CARD14: variants seen among roughly 807,000 people sequenced by gnomAD.
The protein encoded by CARD14 is caspase recruitment domain family member 14.
Under a neutral mutation model 111.5 loss-of-function variants are expected in CARD14, and 107 were observed. The ratio of observed to expected loss-of-function variants is 0.96; its 90% confidence interval spans 0.82 to 1.13. The LOEUF (loss-of-function observed/expected upper bound fraction) is 1.13, where lower values mean the gene tolerates loss of function less well. CARD14 is among the 50% of genes most tolerant of loss of function. CARD14 has a pLI of 0.00. For missense variants in CARD14, 1,322 were observed against 1,362.3 expected (o/e 0.97, Z 0.47); for synonymous variants, 617 against 579.6 (o/e 1.06, Z -0.93).
chr17:80,200,073 T>C (rs2040888177), intron 16 of CARD14, among the ~76,000 whole-genome samples: 2 of 151,712 alleles, frequency 1.3e-5, no homozygotes, highest in Admixed American at 1.3e-4. Flanking sequence ...TCTGAACCCC[T>C]CAGGCAGGAG....
chr17:80,171,314 T>C (rs2039900125), intron 1 of CARD14, among the ~76,000 whole-genome samples: 1 of 150,036 alleles, frequency 6.7e-6, no homozygotes. Flanking sequence ...TCTCTCTCTC[T>C]CTTTCTTTCT....
In CARD14 at chr17:80,191,317, C is replaced by T. The variant is rs1354102426; in HGVS notation, c.1090-6C>T. 6.2e-7 allele frequency: 1 copy of T among 1,606,648 alleles called. No homozygotes were observed. Among genetic ancestry groups the T allele is most frequent in the South Asian group, 1.1e-5 (1 of 90,934 alleles). ...GCGGCCTCCTTACTCCCGTCGTGGC[C>T]CACAGGCGTACTCCGCGAGGGACAG... On this transcript the variant is annotated splice_polypyrimidine_tract_variant and splice_region_variant and intron_variant, in intron 10 of 23. Transcript: ENST00000648509.
At chr17:80,190,356 T>C (rs990081006) in intron 9 of CARD14, among the ~76,000 whole-genome samples, 2 of 152,054 alleles carry the variant, frequency 1.3e-5, no homozygotes, top group Admixed American at 6.5e-5. Context: ...GGCCCACGCA[T>C]GTAGTCAGCA....
chr17:80,191,679 C>G (rs528883443), intron 11 of CARD14, among the ~76,000 whole-genome samples: 2 of 152,344 alleles, frequency 1.3e-5, no homozygotes, highest in East Asian at 3.9e-4. Context: ...GCCGTGAAAC[C>G]TCGAAGGTGC....
In CARD14 at chr17:80,201,440, CTTTCT is replaced by C. The variant is rs3217504; in HGVS notation, c.1852-285_1852-281del. On this transcript the variant is annotated intron_variant, in intron 16 of 23. Coordinates refer to ENST00000648509, the MANE Select transcript of CARD14 (RefSeq NM_001366385.1). The surrounding 1 kb of genome is among the most constrained non-coding windows in gnomAD (Gnocchi z 5.0). ...TCTTGAATGTTCTAGAACCGAGGTT[CTTTCT>C]TTTCTTTTCTTTTCTTTTTCAAGAC... 1.1e-3 allele frequency: 413 copies of C among 368,270 alleles called. 2 individuals are homozygous for C. Among genetic ancestry groups the C allele is most frequent in the Middle Eastern group, 3.4e-3 (4 of 1,168 alleles). 22.8% of individuals were successfully genotyped at this position (368,270 alleles called of 1,614,324 possible). A position where few individuals can be genotyped will look rare whatever the true frequency, so the allele number is the denominator to read the frequency against.
intron 7 of CARD14, among the ~76,000 whole-genome samples, chr17:80,184,494 T>C (rs928096111): frequency 1.3e-5 from 2 of 152,216 alleles, no homozygotes; most frequent in Non-Finnish European, 2.9e-5. Flanking sequence ...GGCTGGCTTG[T>C]CTGTGAACTG....
chr17:80,189,700 A>T lies in CARD14; in HGVS notation c.844-53A>T, dbSNP rs1438483379. 2.7e-6 allele frequency: 4 copies of T among 1,475,842 alleles called. No individual in the cohort carries two copies. Among genetic ancestry groups the T allele is most frequent in the Non-Finnish European group, 3.6e-6 (4 of 1,119,474 alleles). 91.4% of individuals were successfully genotyped at this position (1,475,842 alleles called of 1,614,324 possible). A position where few individuals can be genotyped will look rare whatever the true frequency, so the allele number is the denominator to read the frequency against. On this transcript the variant is annotated intron_variant, in intron 8 of 23. Coordinates refer to ENST00000648509, the MANE Select transcript of CARD14 (RefSeq NM_001366385.1). This position sits in a 1 kb window ranked among gnomAD's most constrained non-coding sequence, Gnocchi z 4.7. ...CATCTTCTCGGGATTCTGCTTGCCT[A>T]GGGCAGGCCTCTGGGGAAGCCAGCA...
Position 80,198,828 on chromosome 17 carries a change from G to A in CARD14, c.1851+237G>A. 3.4e-6 allele frequency: 5 copies of A among 1,470,004 alleles called. No individual in the cohort carries two copies. The highest frequency in any genetic ancestry group is 4.5e-6 in the Non-Finnish European group (5 of 1,116,022). 91.1% of individuals were successfully genotyped at this position (1,470,004 alleles called of 1,614,324 possible). On this transcript the variant is annotated intron_variant, in intron 16 of 23. Coordinates refer to ENST00000648509, the MANE Select transcript of CARD14 (RefSeq NM_001366385.1). The surrounding 1 kb of genome is among the most constrained non-coding windows in gnomAD (Gnocchi z 7.5). ...CTGCCATGCGGCGCTTCTGACCAGG[G>A]GTCTTTGCATGAGGCCCCTTGACAG...
rs1330276011 is a variant in CARD14 at position 80,206,864 on chromosome 17, C to G, written c.2692-106C>G. The stretch of plus-strand genomic sequence containing the variant: ...AAATTCAGCTCTGCCCAGCTCCTGC[C>G]CTGCCCTCAGCCTGTCCGGAGGGCC... On this transcript the variant is annotated intron_variant, in intron 22 of 23. Coordinates refer to ENST00000648509, the MANE Select transcript of CARD14 (RefSeq NM_001366385.1). The G allele has an allele frequency of 6.4e-6, 4 of 629,030 alleles. No homozygotes were observed. In the African/African-American group the frequency reaches 7.6e-5, roughly 12 times the overall value. 39.0% of individuals were successfully genotyped at this position (629,030 alleles called of 1,614,324 possible). A position where few individuals can be genotyped will look rare whatever the true frequency, so the allele number is the denominator to read the frequency against.
At chr17:80,205,479 C>G (rs1251571678) in intron 21 of CARD14, 52 bp from the exon 22 acceptor site, 1 of 1,560,804 alleles carries the variant, frequency 6.4e-7, no homozygotes, top group African/African-American at 1.4e-5. Flanking sequence ...TGGGACTCCC[C>G]CAGACCCCCA....
At chr17:80,204,402 G>A (rs748907554) in intron 20 of CARD14, 61 bp downstream of exon 20, 265 of 1,461,776 alleles carry the variant, frequency 1.8e-4, no homozygotes, top group Admixed American at 4.2e-4. Context: ...GGCTTTGGGA[G>A]CTGCTGCTAG....
intron 17 of CARD14, 150 bp downstream of exon 17, chr17:80,202,020 C>T: frequency 8.0e-7 from 1 of 1,255,986 alleles, no homozygotes; most frequent in South Asian, 1.4e-5. Flanking sequence ...CCCAGGAGGC[C>T]CCCAAGCCAG....
Position 80,208,195 on chromosome 17 carries a change from G to A in CARD14, c.2865G>A (p.Gln955=), listed in dbSNP as rs1187693801. 1 of 1,553,242 alleles carries A rather than the reference G, an allele frequency of 6.4e-7. No individual in the cohort carries two copies. Among genetic ancestry groups the A allele is most frequent in the Non-Finnish European group, 8.7e-7 (1 of 1,148,386 alleles). The part of the protein sequence containing the change: ...SEEQLLEAAR[Q]EEGDLDRAPC... ...AGCAGCTCCTGGAGGCTGCGAGGCA[G>A]GAGGAGGGAGACCTGGACCGGGCGC... The change falls in exon 24 of 24, where the codon CAG becomes CAA. Residue 955 remains glutamine (Q), a synonymous_variant. Coordinates refer to ENST00000648509, the MANE Select transcript of CARD14 (RefSeq NM_001366385.1).
At chr17:80,170,765 C>CTCCCCTCCCCTCCCA (rs2039875970) in intron 1 of CARD14, among the ~76,000 whole-genome samples, 1 of 85,324 alleles carries the variant, frequency 1.2e-5, no homozygotes, top group African/African-American at 4.3e-5. Context: ...TCTCTGGGCC[C>CTCCCCTCCCCTCCCA]TCCCCTCCCC....
Position 80,191,397 on chromosome 17 carries a change from G to T in CARD14, c.1164G>T (p.Gln388His). ...TGGAGAAGGACTCCCTCCGCAGGCA[G>T]GTGTTCGAGCTGACGGACCAGGTCT... The part of the protein sequence containing the change: ...SLVEKDSLRR[Q>H]VFELTDQVCE... Residue 388 changes from glutamine (Q) to histidine (H), a missense_variant, in exon 11 of 24, where the codon CAG becomes CAT. Transcript: ENST00000648509. 1 of 1,613,950 alleles carries T rather than the reference G, an allele frequency of 6.2e-7. No homozygotes were observed. The highest frequency in any genetic ancestry group is 8.5e-7 in the Non-Finnish European group (1 of 1,180,038).
In CARD14 at chr17:80,181,427, C is replaced by G; in HGVS notation, c.-12C>G. On this transcript the variant is annotated 5_prime_UTR_variant, in exon 5 of 24. Coordinates refer to ENST00000648509, the MANE Select transcript of CARD14 (RefSeq NM_001366385.1). ...ATGGCCACCCCTCCTAGGGTCCTCC[C>G]AGCGCCCAGCCATGGGGGAACTGTG... 1 of 1,557,364 alleles carries G rather than the reference C, an allele frequency of 6.4e-7. No individual in the cohort carries two copies. The highest frequency in any genetic ancestry group is 8.7e-7 in the Non-Finnish European group (1 of 1,150,528).
Position 80,195,908 on chromosome 17 carries a change from T to G in CARD14, c.1594+256T>G, listed in dbSNP as rs1226236613. 4.0e-6 allele frequency: 2 copies of G among 496,972 alleles called. No individual in the cohort carries two copies. The highest frequency in any genetic ancestry group is 7.2e-6 in the Non-Finnish European group (2 of 276,672). 30.8% of individuals were successfully genotyped at this position (496,972 alleles called of 1,614,324 possible). On this transcript the variant is annotated intron_variant, in intron 14 of 23. Transcript: ENST00000648509. This position sits in a 1 kb window ranked among gnomAD's most constrained non-coding sequence, Gnocchi z 4.7. ...TTTCCCTAGAGCCAGGGGAGTTGTG[T>G]CTGATCCACGCCCTGCTCAGCACCC...
chr17:80,177,812 G>A (rs1040598605), intron 2 of CARD14, among the ~76,000 whole-genome samples: 1 of 152,112 alleles, frequency 6.6e-6, no homozygotes, highest in Non-Finnish European at 1.5e-5. Flanking sequence ...TTCAAAGTGT[G>A]GGATTACAGG....
chr17:80,182,909 G>C lies in CARD14; in HGVS notation c.349+119G>C. The C allele has an allele frequency of 8.0e-7, 1 of 1,244,654 alleles. No homozygotes were observed. Among genetic ancestry groups the C allele is most frequent in the Admixed American group, 2.0e-5 (1 of 49,064 alleles). 77.1% of individuals were successfully genotyped at this position (1,244,654 alleles called of 1,614,324 possible). On this transcript the variant is annotated intron_variant, in intron 6 of 23. Coordinates refer to ENST00000648509, the MANE Select transcript of CARD14 (RefSeq NM_001366385.1). The surrounding 1 kb of genome is among the most constrained non-coding windows in gnomAD (Gnocchi z 4.7). Reference sequence around the variant, plus strand: ...TACTCCCCCTTCCCTCCAGGCTGCAGTTCCTGTCCCAGCCCCAGCACTCTG... The same window carrying C: ...TACTCCCCCTTCCCTCCAGGCTGCACTTCCTGTCCCAGCCCCAGCACTCTG...
Sources: allele counts gnomAD v4.1 joint callset (sites outside exome capture counted in the v4.1 genomes callset), GRCh38; gene constraint gnomAD v4.1.1; non-coding constraint Gnocchi (gnomAD v3.1); transcripts MANE v1.5; gene names NCBI Gene and HGNC (gene_info 2026-07-23, HGNC 2026-07-21).